The following CIT variants were observed in gnomAD, a reference collection of about 807,000 sequenced individuals.
The protein encoded by CIT is citron Rho-interacting kinase.
A neutral mutation model predicts 272.7 loss-of-function variants in CIT; 79 were observed. The observed-to-expected ratio is 0.29, with a 90% CI of 0.24 to 0.35. The LOEUF (loss-of-function observed/expected upper bound fraction) is 0.35. Ranked by LOEUF, CIT falls within the 10% of genes least tolerant of loss-of-function variation. The pLI is 1.00. For synonymous variants in CIT, 948 were observed against 995.6 expected, an observed-to-expected ratio of 0.95 and a Z score of 0.90; for missense variants, 1,909 against 2,618.3, an observed-to-expected ratio of 0.73 and a Z score of 5.91.
intron 19 of CIT, among the ~76,000 whole-genome samples, chr12:119,763,437 C>T (rs1427582864): frequency 6.6e-6 from 1 of 152,158 alleles, no homozygotes; most frequent in East Asian, 1.9e-4. Context: ...CTTTGTTACA[C>T]AGACTGGTCT....
chr12:119,730,944 G>C (rs978560999), intron 26 of CIT, among the ~76,000 whole-genome samples: 3 of 149,550 alleles, frequency 2.0e-5, no homozygotes, highest in African/African-American at 7.4e-5. Flanking sequence ...CCTGGCCAAC[G>C]TGGTGAAATC....
chr12:119,690,071 G>A lies in CIT; in HGVS notation c.6186+80C>T. On this transcript the variant is annotated intron_variant, in intron 47 of 47. Transcript: ENST00000392521. The surrounding 1 kb of genome is among the most constrained non-coding windows in gnomAD (Gnocchi z 6.0). Reference sequence around the variant, plus strand: ...CATGGAGTTCCTTTTTTAAACAACAGTGGCCCCGTGGGGGCCTCAGTTCCC... The same window carrying A: ...CATGGAGTTCCTTTTTTAAACAACAATGGCCCCGTGGGGGCCTCAGTTCCC... 1 of 1,314,564 alleles carries A rather than the reference G, an allele frequency of 7.6e-7. No homozygotes were observed. Among genetic ancestry groups the A allele is most frequent in the Non-Finnish European group, 9.9e-7 (1 of 1,013,986 alleles). 81.4% of individuals were successfully genotyped at this position (1,314,564 alleles called of 1,614,324 possible). A position where few individuals can be genotyped will look rare whatever the true frequency, so the allele number is the denominator to read the frequency against.
chr12:119,813,637 T>C (rs1966885562), intron 9 of CIT, among the ~76,000 whole-genome samples: 1 of 152,204 alleles, frequency 6.6e-6, no homozygotes, highest in Admixed American at 6.5e-5. Flanking sequence ...GACTCCAATT[T>C]ATGGGCTCTC....
intron 7 of CIT, among the ~76,000 whole-genome samples, chr12:119,826,695 T>C (rs1377882974): frequency 6.6e-6 from 1 of 152,236 alleles, no homozygotes; most frequent in Non-Finnish European, 1.5e-5. Flanking sequence ...CTCTATATCA[T>C]AATGGGCTTC....
intron 28 of CIT, among the ~76,000 whole-genome samples, chr12:119,724,563 T>C (rs1314459252): frequency 6.6e-6 from 1 of 152,118 alleles, no homozygotes; most frequent in Non-Finnish European, 1.5e-5. Context: ...ATCTTCTACC[T>C]TGGATGAGAG....
rs1402752712 is a variant in CIT at position 119,712,403 on chromosome 12, G to A, written c.4685-56C>T. 2.6e-6 allele frequency: 4 copies of A among 1,536,010 alleles called. No individual in the cohort carries two copies. The highest frequency in any genetic ancestry group is 1.8e-6 in the Non-Finnish European group (2 of 1,127,642). Reference sequence around the variant, plus strand: ...TGTGGATTTCCCCCGTTCCCACTGGGAGGGACGGGCCTGAGAGATCAAAGA... The same window carrying A: ...TGTGGATTTCCCCCGTTCCCACTGGAAGGGACGGGCCTGAGAGATCAAAGA... On this transcript the variant is annotated intron_variant, in intron 36 of 47. Transcript: ENST00000392521. This position sits in a 1 kb window ranked among gnomAD's most constrained non-coding sequence, Gnocchi z 5.2.
intron 10 of CIT, among the ~76,000 whole-genome samples, chr12:119,796,209 T>C (rs1264565184): frequency 6.6e-6 from 1 of 152,090 alleles, no homozygotes; most frequent in African/African-American, 2.4e-5. Context: ...TGGGATGCTG[T>C]TGAAGGTGTA....
In CIT at chr12:119,701,857, C is replaced by T. The variant is rs771848800; in HGVS notation, c.5406G>A (p.Thr1802=). 4.6e-5 allele frequency: 75 copies of T among 1,613,896 alleles called. No individual in the cohort carries two copies. The highest frequency in any genetic ancestry group is 5.8e-5 in the Non-Finnish European group (69 of 1,179,904). ...KFYEIDMKQY[T]LEEFLDKNDH... ...AGTGGAGGTGGGTCCTACCCTCGAG[C>T]GTGTACTGCTTCATGTCGATTTCGT... is the stretch of plus-strand genomic sequence containing the variant. The change falls in exon 42 of 48, where the codon ACG becomes ACA. Residue 1802 remains threonine, a synonymous_variant. Coordinates refer to ENST00000392521, the MANE Select transcript of CIT (RefSeq NM_001206999.2).
At chr12:119,717,413 TC>T (rs1357482416) in intron 32 of CIT, among the ~76,000 whole-genome samples, 9 of 93,578 alleles carry the variant, frequency 9.6e-5, no homozygotes, top group African/African-American at 2.1e-4. Context: ...TTTTTTCTTT[TC>T]TTTTCTTTTT....
At chr12:119,789,675 T>C (rs1965130456) in intron 10 of CIT, among the ~76,000 whole-genome samples, 1 of 152,150 alleles carries the variant, frequency 6.6e-6, no homozygotes. Context: ...CAATTTATTT[T>C]CTTTTTCTAA....
chr12:119,713,736 T>G lies in CIT; in HGVS notation c.4307-88A>C. 2.1e-6 allele frequency: 3 copies of G among 1,413,434 alleles called. No individual in the cohort carries two copies. The highest frequency in any genetic ancestry group is 3.0e-6 in the Non-Finnish European group (3 of 1,002,536). 87.6% of individuals were successfully genotyped at this position (1,413,434 alleles called of 1,614,324 possible). On this transcript the variant is annotated intron_variant, in intron 33 of 47. Transcript: ENST00000392521. The surrounding 1 kb of genome is among the most constrained non-coding windows in gnomAD (Gnocchi z 5.2). ...CTGCCAGCCAACGCCTGGGCTTCTC[T>G]ACCCCAGCCGGGCCCAGAGAGTCTG...
intron 7 of CIT, among the ~76,000 whole-genome samples, chr12:119,830,483 G>A (rs1968536754): frequency 6.6e-6 from 1 of 152,038 alleles, no homozygotes; most frequent in African/African-American, 2.4e-5. Flanking sequence ...TTACCAAGCA[G>A]TAACTTTGGA....
rs1170808735 is a variant in CIT at position 119,690,589 on chromosome 12, G to A, written c.5883-135C>T. 1.1e-5 allele frequency: 9 copies of A among 842,248 alleles called. No individual in the cohort carries two copies. The highest frequency in any genetic ancestry group is 3.6e-5 in the African/African-American group (2 of 55,666). The allele number at this position is 842,248 out of a possible 1,614,324, so 52.2% of individuals were successfully genotyped here. On this transcript the variant is annotated intron_variant, in intron 46 of 47. Coordinates refer to ENST00000392521, the MANE Select transcript of CIT (RefSeq NM_001206999.2). This position sits in a 1 kb window ranked among gnomAD's most constrained non-coding sequence, Gnocchi z 6.0. ...AAGAGATTAGACCTGGAGTTCTTTG[G>A]ACTTTGCCTGCATTTGATTTTGGTA...
Position 119,694,229 on chromosome 12 carries a change from T to C in CIT, c.5882+3430A>G, listed in dbSNP as rs1177456158. ...ACAAATCCACATCAGCCATCACCCA[T>C]TCACCCACACTTTTCTAGGAATTTA... On this transcript the variant is annotated intron_variant, in intron 46 of 47. Transcript: ENST00000392521. This position sits in a 1 kb window ranked among gnomAD's most constrained non-coding sequence, Gnocchi z 4.5. Among the ~76,000 whole-genome samples, 1 of 152,144 alleles carries C rather than the reference T, an allele frequency of 6.6e-6. No individual in the cohort carries two copies. The highest frequency in any genetic ancestry group is 1.5e-5 in the Non-Finnish European group (1 of 68,020).
intron 3 of CIT, among the ~76,000 whole-genome samples, chr12:119,863,139 T>G (rs886857603): frequency 4.7e-4 from 67 of 141,298 alleles, no homozygotes; most frequent in Middle Eastern, 7.5e-3. Context: ...GAGGCAGAGG[T>G]TGCAGTGAGC....
chr12:119,693,764 A>G (rs1339518258), intron 46 of CIT, among the ~76,000 whole-genome samples: 2 of 152,234 alleles, frequency 1.3e-5, no homozygotes, highest in Non-Finnish European at 2.9e-5. Flanking sequence ...AACATTTCAG[A>G]TTAATTAACT....
intron 4 of CIT, among the ~76,000 whole-genome samples, chr12:119,850,560 T>C (rs560095347): frequency 2.0e-5 from 3 of 152,176 alleles, no homozygotes; most frequent in African/African-American, 7.2e-5. Context: ...TAGCCCAGAA[T>C]TGCATAAATC....
At position 119,804,612 on chromosome 12, in the gene CIT, G is replaced by A; in HGVS notation, c.1112-1223C>T. 4.4e-6 allele frequency: 2 copies of A among 450,088 alleles called. No individual in the cohort carries two copies. The highest frequency in any genetic ancestry group is 5.9e-6 in the Non-Finnish European group (2 of 340,544). 27.9% of individuals were successfully genotyped at this position (450,088 alleles called of 1,614,324 possible). ...CCTCGTTTTCTGGACAAAGCTGGGT[G>A]CCAGATATGAGCAGCAAGCAGTCTG... On this transcript the variant is annotated intron_variant, in intron 9 of 47. Coordinates refer to ENST00000392521, the MANE Select transcript of CIT (RefSeq NM_001206999.2). The surrounding 1 kb of genome is among the most constrained non-coding windows in gnomAD (Gnocchi z 5.3).
chr12:119,863,752 G>T (rs1230807708), intron 3 of CIT, among the ~76,000 whole-genome samples: 1 of 150,968 alleles, frequency 6.6e-6, no homozygotes, highest in East Asian at 1.9e-4. Flanking sequence ...GGATGGTCTC[G>T]ATCTCTTGAC....
Sources: allele counts gnomAD v4.1 joint callset (sites outside exome capture counted in the v4.1 genomes callset), GRCh38; gene constraint gnomAD v4.1.1; non-coding constraint Gnocchi (gnomAD v3.1); transcripts MANE v1.5; gene names NCBI Gene and HGNC (gene_info 2026-07-23, HGNC 2026-07-21).